Variants in ZHX3 observed in about 807,000 individuals in gnomAD.
The protein encoded by ZHX3 is zinc fingers and homeoboxes 3, also known as zinc fingers and homeoboxes protein 3.
Under a neutral mutation model 64.5 loss-of-function variants are expected in ZHX3, and 20 were observed. That is an observed-to-expected ratio of 0.31 (90% CI 0.22 to 0.45). The LOEUF is 0.45. ZHX3 is among the 20% of genes least tolerant of loss of function. The pLI, the probability that ZHX3 is intolerant of heterozygous loss-of-function variation, is 1.00. For synonymous variants in ZHX3, 423 were observed against 461.6 expected, an observed-to-expected ratio of 0.92 and a Z score of 1.07; for missense variants, 1,041 against 1,195.8, an observed-to-expected ratio of 0.87 and a Z score of 1.91.
In ZHX3 at chr20:41,219,024, G is replaced by A. The variant is rs1318306585; in HGVS notation, c.-150-13958C>T. Among the ~76,000 whole-genome samples, 2 of 150,470 alleles carry A rather than the reference G, an allele frequency of 1.3e-5. No individual in the cohort carries two copies. The highest frequency in any genetic ancestry group is 3.9e-4 in the East Asian group (2 of 5,070). ...GGCTCACTGCAAGCTCCACCTCCCG[G>A]GTTCACGCCACTCTCCTGCCTCAGC... On this transcript the variant is annotated intron_variant, in intron 2 of 3. Transcript: ENST00000683867. This position sits in a 1 kb window ranked among gnomAD's most constrained non-coding sequence, Gnocchi z 5.0.
At chr20:41,283,540 C>T (rs181440860) in intron 1 of ZHX3, among the ~76,000 whole-genome samples, 23 of 152,138 alleles carry the variant, frequency 1.5e-4, no homozygotes, top group African/African-American at 5.3e-4. Flanking sequence ...GGGCAGATCA[C>T]GAGGTCAGGA....
Position 41,246,019 on chromosome 20 carries a change from G to A in ZHX3, c.-151+22971C>T, listed in dbSNP as rs538717101. Among the ~76,000 whole-genome samples, 116 of 152,216 alleles carry A rather than the reference G, an allele frequency of 7.6e-4. 2 individuals carry two copies. Among genetic ancestry groups the A allele is most frequent in the Non-Finnish European group, 1.5e-3 (104 of 68,018 alleles). ...GTACTTCCCCTTGGTATCTAACTAGGAGCTGATCCATTAACCAGGAATATA... is the reference window on the plus strand; with the variant it reads ...GTACTTCCCCTTGGTATCTAACTAGAAGCTGATCCATTAACCAGGAATATA... On this transcript the variant is annotated intron_variant, in intron 2 of 3. Coordinates refer to ENST00000683867, the MANE Select transcript of ZHX3 (RefSeq NM_001384317.1).
chr20:41,249,927 C>T (rs867723329), intron 2 of ZHX3, among the ~76,000 whole-genome samples: 1 of 152,182 alleles, frequency 6.6e-6, no homozygotes, highest in South Asian at 2.1e-4. Flanking sequence ...CAACCCCCAA[C>T]CTAGCAACAG....
Position 41,203,457 on chromosome 20 carries a change from G to A in ZHX3, c.1460C>T (p.Thr487Ile). ...QSLLTACPSI[T>I]SQAFLDASIY... ...GCTAGCATCAAGGAAGGCTTGGGAGGTTATGCTGGGGCAGGCCGTGAGGAG... is the reference window on the plus strand; with the variant it reads ...GCTAGCATCAAGGAAGGCTTGGGAGATTATGCTGGGGCAGGCCGTGAGGAG... Residue 487 changes from threonine (T) to isoleucine (I), a missense_variant, in exon 3 of 4, where the codon ACC becomes ATC. Physicochemically the swap from Thr to Ile is moderately conservative, Grantham distance 89. Transcript: ENST00000683867. This position sits in a 1 kb window ranked among gnomAD's most constrained non-coding sequence, Gnocchi z 7.1. 6.2e-7 allele frequency: 1 copy of A among 1,614,198 alleles called. No homozygotes were observed. Among genetic ancestry groups the A allele is most frequent in the Non-Finnish European group, 8.5e-7 (1 of 1,180,030 alleles).
chr20:41,304,385 C>A (rs1025584102), intron 1 of ZHX3, among the ~76,000 whole-genome samples: 3 of 152,180 alleles, frequency 2.0e-5, no homozygotes, highest in African/African-American at 7.2e-5. Flanking sequence ...TCTGGCTACA[C>A]GTGCCTGCCA....
chr20:41,178,686 C>A lies in ZHX3; in HGVS notation c.*6505G>T, dbSNP rs1021524158. The A allele has an allele frequency of 7.2e-5, 11 of 152,670 alleles. No homozygotes were observed. The highest frequency in any genetic ancestry group is 2.7e-4 in the African/African-American group (11 of 41,456). 9.5% of individuals were successfully genotyped at this position (152,670 alleles called of 1,614,324 possible). A position where few individuals can be genotyped will look rare whatever the true frequency, so the allele number is the denominator to read the frequency against. On this transcript the variant is annotated 3_prime_UTR_variant, in exon 4 of 4. Transcript: ENST00000683867. ...CAACCCCACTCCTGCCTCAGCACGACCACAGTCCAAACCGAAGTTAAGTTC... is the reference window on the plus strand; with the variant it reads ...CAACCCCACTCCTGCCTCAGCACGAACACAGTCCAAACCGAAGTTAAGTTC...
At chr20:41,315,770 T>C (rs2045270776) in intron 1 of ZHX3, among the ~76,000 whole-genome samples, 2 of 152,170 alleles carry the variant, frequency 1.3e-5, no homozygotes, top group Non-Finnish European at 2.9e-5. Flanking sequence ...GATAGCATTT[T>C]TGTAAGAAAA....
At position 41,266,677 on chromosome 20, in the gene ZHX3, T is replaced by C. The variant is rs1421870665; in HGVS notation, c.-151+2313A>G. Among the ~76,000 whole-genome samples the C allele has an allele frequency of 8.2e-4, 120 of 146,562 alleles. 2 individuals are homozygous for C. Among genetic ancestry groups the C allele is most frequent in the African/African-American group, 2.9e-3 (116 of 39,612 alleles). ...TCTCCTGCCTCAGCCTCCCGAGTAG[T>C]TGGGACTACAGGCGCGCGCCACTGC... On this transcript the variant is annotated intron_variant, in intron 2 of 3. Transcript: ENST00000683867.
intron 1 of ZHX3, among the ~76,000 whole-genome samples, chr20:41,303,585 T>C (rs918510386): frequency 3.3e-5 from 5 of 152,340 alleles, no homozygotes; most frequent in East Asian, 1.9e-4. Flanking sequence ...TATAGACTTC[T>C]CTGTATCCCC....
chr20:41,217,647 C>G (rs944473526), intron 2 of ZHX3, among the ~76,000 whole-genome samples: 4 of 152,124 alleles, frequency 2.6e-5, no homozygotes, highest in African/African-American at 9.7e-5. Context: ...GAAAAGAAAA[C>G]AGAATTCACT....
intron 2 of ZHX3, among the ~76,000 whole-genome samples, chr20:41,254,097 C>T (rs1430922404): frequency 6.6e-6 from 1 of 151,946 alleles, no homozygotes; most frequent in African/African-American, 2.4e-5. Flanking sequence ...CCAGCCTGGG[C>T]AACATCGCAA....
chr20:41,212,741 G>A lies in ZHX3; in HGVS notation c.-150-7675C>T, dbSNP rs2039252633. On this transcript the variant is annotated intron_variant, in intron 2 of 3. Transcript: ENST00000683867. The surrounding 1 kb of genome is among the most constrained non-coding windows in gnomAD (Gnocchi z 4.3). ...GAACCTGGGAGGCGGAGGTTGCAGT[G>A]AGCCAAGATCATGCCATTGTACTCC... Among the ~76,000 whole-genome samples the A allele has an allele frequency of 6.6e-6, 1 of 151,168 alleles. No homozygotes were observed. The highest frequency in any genetic ancestry group is 6.6e-5 in the Admixed American group (1 of 15,182).
Position 41,201,197 on chromosome 20 carries a change from C to T in ZHX3, c.2860+860G>A. 2 of 924,534 alleles carry T rather than the reference C, an allele frequency of 2.2e-6. No individual in the cohort carries two copies. Among genetic ancestry groups the T allele is most frequent in the Non-Finnish European group, 2.9e-6 (2 of 685,554 alleles). The allele number at this position is 924,534 out of a possible 1,614,324, so 57.3% of individuals were successfully genotyped here. On this transcript the variant is annotated intron_variant, in intron 3 of 3. Coordinates refer to ENST00000683867, the MANE Select transcript of ZHX3 (RefSeq NM_001384317.1). The surrounding 1 kb of genome is among the most constrained non-coding windows in gnomAD (Gnocchi z 5.0). ...ACAAATAGTGTCTCCTGTACCCCCT[C>T]CCACATTGCCAACTCAGCTAGCAAT...
At chr20:41,297,256 G>T (rs574967222) in intron 1 of ZHX3, among the ~76,000 whole-genome samples, 262 of 152,276 alleles carry the variant, frequency 1.7e-3, no homozygotes, top group South Asian at 3.1e-3. Flanking sequence ...AACTCCCAAG[G>T]CTAGCCTGTG....
chr20:41,204,054 T>C lies in ZHX3; in HGVS notation c.863A>G (p.Gln288Arg), dbSNP rs2038487497. The C allele has an allele frequency of 6.2e-7, 1 of 1,613,256 alleles. No individual in the cohort carries two copies. The highest frequency in any genetic ancestry group is 1.7e-5 in the Admixed American group (1 of 59,984). Reference protein sequence around the residue: ...PPVHAQHHVHQPLPTAKALPK... With the variant: ...PPVHAQHHVHRPLPTAKALPK... ...AAGGGCCTTGGCCGTGGGCAGTGGC[T>C]GGTGGACATGGTGTTGGGCATGCAC... Residue 288 changes from glutamine (Q) to arginine (R), a missense_variant, in exon 3 of 4, where the codon CAG (glutamine) becomes CGG (arginine). This residue lies in a region of ZHX3 where 358 missense variants were observed against 369.1 expected (regional missense o/e 0.97). Transcript: ENST00000683867. This position sits in a 1 kb window ranked among gnomAD's most constrained non-coding sequence, Gnocchi z 6.6.
chr20:41,294,992 C>T (rs912332902), intron 1 of ZHX3, among the ~76,000 whole-genome samples: 4 of 152,082 alleles, frequency 2.6e-5, no homozygotes, highest in Non-Finnish European at 4.4e-5. Flanking sequence ...TGAGCCCCTG[C>T]GCCCAGCCCA....
Position 41,226,377 on chromosome 20 carries a change from C to A in ZHX3, c.-150-21311G>T, listed in dbSNP as rs1385475908. Among the ~76,000 whole-genome samples the A allele has an allele frequency of 6.6e-6, 1 of 152,004 alleles. No homozygotes were observed. Among genetic ancestry groups the A allele is most frequent in the East Asian group, 1.9e-4 (1 of 5,170 alleles). The stretch of plus-strand genomic sequence containing the variant: ...TTTCAAAAACAAAAGAATTTCCTTT[C>A]ATTTTAAGGCTAAGTAATATTCCAT... On this transcript the variant is annotated intron_variant, in intron 2 of 3. Coordinates refer to ENST00000683867, the MANE Select transcript of ZHX3 (RefSeq NM_001384317.1). This position sits in a 1 kb window ranked among gnomAD's most constrained non-coding sequence, Gnocchi z 4.4.
chr20:41,280,187 G>A (rs1231508866), intron 1 of ZHX3, among the ~76,000 whole-genome samples: 1 of 152,100 alleles, frequency 6.6e-6, no homozygotes, highest in African/African-American at 2.4e-5. Context: ...ATTTACTTCT[G>A]GAAGAATAAT....
At position 41,228,156 on chromosome 20, in the gene ZHX3, A is replaced by G. The variant is rs2040385307; in HGVS notation, c.-150-23090T>C. On this transcript the variant is annotated intron_variant, in intron 2 of 3. Coordinates refer to ENST00000683867, the MANE Select transcript of ZHX3 (RefSeq NM_001384317.1). The surrounding 1 kb of genome is among the most constrained non-coding windows in gnomAD (Gnocchi z 4.6). ...CTCCAAAGGGAGCAAACTCATGCCC[A>G]GGACTTTGCAATCTCCTCTACCCAA... 6.6e-6 allele frequency among the ~76,000 whole-genome samples: 1 copy of G among 152,186 alleles called. No individual in the cohort carries two copies. Among genetic ancestry groups the G allele is most frequent in the African/African-American group, 2.4e-5 (1 of 41,454 alleles).
Sources: allele counts gnomAD v4.1 joint callset (sites outside exome capture counted in the v4.1 genomes callset), GRCh38; gene constraint gnomAD v4.1.1; regional missense constraint gnomAD v4.1.1; non-coding constraint Gnocchi (gnomAD v3.1); transcripts MANE v1.5; gene names NCBI Gene and HGNC (gene_info 2026-07-23, HGNC 2026-07-21).